GBF1: variants seen among roughly 807,000 people sequenced by gnomAD.
The protein encoded by GBF1 is golgi brefeldin A resistant guanine nucleotide exchange factor 1.
A neutral mutation model predicts 210.5 loss-of-function variants in GBF1; 114 were observed. The ratio of observed to expected loss-of-function variants is 0.54; its 90% confidence interval spans 0.47 to 0.63. The LOEUF (loss-of-function observed/expected upper bound fraction) is 0.63, where lower values mean the gene tolerates loss of function less well. Among genes scored for constraint, GBF1 ranks in the 30% least tolerant of loss-of-function variants. GBF1 has a pLI of 0.00. For missense variants in GBF1, 1,851 were observed against 2,357.7 expected (o/e 0.79, Z 4.45); for synonymous variants, 850 against 889.2 (o/e 0.96, Z 0.78).
intron 3 of GBF1, among the ~76,000 whole-genome samples, chr10:102,277,669 G>A (rs1299806318): frequency 2.6e-5 from 4 of 152,240 alleles, no homozygotes; most frequent in Non-Finnish European, 4.4e-5. Flanking sequence ...GTGAGCCACC[G>A]CACCCAGCCT....
intron 3 of GBF1, among the ~76,000 whole-genome samples, chr10:102,300,976 CT>C (rs11413620): frequency 6.8e-4 from 93 of 136,254 alleles, no homozygotes; most frequent in South Asian, 2.3e-3. Context: ...ATTTTCTTTT[CT>C]TTTTTTTTTT....
At chr10:102,232,985 G>A in the GBF1 span, among the ~76,000 whole-genome samples, 709 of 152,276 alleles carry the variant, frequency 4.7e-3, 9 homozygotes, top group African/African-American at 0.015. Flanking sequence ...TTTCTGCTGA[G>A]GAAACCGTAA....
chr10:102,344,027 T>A, intron 3 of GBF1, 24 bp from the exon 4 acceptor site: 1 of 1,605,942 alleles, frequency 6.2e-7, no homozygotes, highest in Non-Finnish European at 8.5e-7. Context: ...TGATACCTCT[T>A]CATTTCTGTG....
chr10:102,352,642 A>T, intron 7 of GBF1, 124 bp downstream of exon 7: 1 of 711,740 alleles, frequency 1.4e-6, no homozygotes, highest in Non-Finnish European at 2.6e-6. Context: ...GGGATTATGG[A>T]TGGGGGGTAG....
intron 1 of GBF1, among the ~76,000 whole-genome samples, chr10:102,257,868 T>G (rs1312923857): frequency 6.6e-6 from 1 of 152,166 alleles, no homozygotes; most frequent in Non-Finnish European, 1.5e-5. Flanking sequence ...GTGCTAGGAT[T>G]ATAGGCATGA....
chr10:102,283,992 G>A (rs528946250), intron 3 of GBF1, among the ~76,000 whole-genome samples: 1 of 152,276 alleles, frequency 6.6e-6, no homozygotes, highest in African/African-American at 2.4e-5. Flanking sequence ...AGACATAGAC[G>A]TCCACTGACA....
At position 102,246,258 on chromosome 10, in the gene GBF1, T is replaced by C. The variant is rs565380220; in HGVS notation, c.-11+477T>C. Among the ~76,000 whole-genome samples, 6 of 152,314 alleles carry C rather than the reference T, an allele frequency of 3.9e-5. No individual in the cohort carries two copies. The East Asian group carries it at 9.6e-4, about 24-fold the overall frequency. On this transcript the variant is annotated intron_variant, in intron 1 of 39. Transcript: ENST00000369983. Reference sequence around the variant, plus strand: ...AACTGCTTCATTAATAATGATGAACTAGTGCACCCTAGAATCAGGTTGTCA... The same window carrying C: ...AACTGCTTCATTAATAATGATGAACCAGTGCACCCTAGAATCAGGTTGTCA...
intron 6 of GBF1, 90 bp from the exon 7 acceptor site, chr10:102,352,368 C>T: frequency 1.1e-6 from 1 of 907,570 alleles, no homozygotes; most frequent in Non-Finnish European, 1.9e-6. Flanking sequence ...CCTTGGTAAA[C>T]AAGGTTTGGA....
intron 3 of GBF1, among the ~76,000 whole-genome samples, chr10:102,300,357 A>T (rs1158078427): frequency 1.3e-5 from 2 of 152,136 alleles, no homozygotes; most frequent in African/African-American, 4.8e-5. Context: ...TAGTCTCTGG[A>T]TTAGACAGTG....
At chr10:102,276,965 TACACACACAC>T (rs112061268) in intron 3 of GBF1, among the ~76,000 whole-genome samples, 4 of 148,648 alleles carry the variant, frequency 2.7e-5, no homozygotes, top group African/African-American at 9.9e-5. Context: ...TTTTGCTACT[TACACACACAC>T]ACACACACAC....
chr10:102,322,195 A>C (rs1416918639), intron 3 of GBF1, among the ~76,000 whole-genome samples: 1 of 152,230 alleles, frequency 6.6e-6, no homozygotes, highest in Non-Finnish European at 1.5e-5. Context: ...TATTCTGGCT[A>C]TCTTCATCTG....
At chr10:102,272,069 C>T (rs534540894) in intron 3 of GBF1, among the ~76,000 whole-genome samples, 1 of 151,992 alleles carries the variant, frequency 6.6e-6, no homozygotes, top group South Asian at 2.1e-4. Flanking sequence ...CATATTATAT[C>T]ACCACAGGAA....
At chr10:102,242,704 G>A (rs886329253), upstream of GBF1, among the ~76,000 whole-genome samples, 2 of 151,876 alleles carry the variant, frequency 1.3e-5, no homozygotes, top group Admixed American at 6.6e-5. Context: ...CGAGGCGGGC[G>A]GATCACAAGG....
chr10:102,365,497 A>G lies in GBF1; in HGVS notation c.2207A>G (p.Glu736Gly), dbSNP rs1168785180. Residue 736 changes from glutamate (E) to glycine (G), a missense_variant, in exon 18 of 40, where the codon GAG becomes GGG. By Grantham distance (98) the Glu-to-Gly change is moderately conservative (BLOSUM62 -2). This residue lies in a region of GBF1 where 804 missense variants were observed against 958.6 expected (regional missense o/e 0.84). Transcript: ENST00000369983. ...CTCACCATCCCAATGGACAACACAG[A>G]GGTTGCTCAGTGGCTCCGAGAGAAC... ...GLLTIPMDNT[E>G]VAQWLRENPR... 3 of 1,614,040 alleles carry G rather than the reference A, an allele frequency of 1.9e-6. No homozygotes were observed. The highest frequency in any genetic ancestry group is 2.2e-5 in the South Asian group (2 of 91,080).
rs1367298313 is a variant in GBF1 at position 102,380,643 on chromosome 10, C to G, written c.5130C>G (p.Leu1710=). 14 of 1,613,876 alleles carry G rather than the reference C, an allele frequency of 8.7e-6. No homozygotes were observed. The highest frequency in any genetic ancestry group is 1.6e-4 in the Middle Eastern group (1 of 6,062). The change falls in exon 38 of 40, where the codon CTC becomes CTG. Residue 1710 remains leucine (L), a synonymous_variant. Coordinates refer to ENST00000369983, the MANE Select transcript of GBF1 (RefSeq NM_001377137.1). ...EITWERIDCF[L]PHLRDELFKQ... ...CCTGGGAACGCATTGACTGTTTTCT[C>G]CCTCACCTACGAGATGAACTCTTCA...
intron 4 of GBF1, among the ~76,000 whole-genome samples, chr10:102,350,987 TA>T (rs1182121153): frequency 6.7e-6 from 1 of 150,306 alleles, no homozygotes; most frequent in Non-Finnish European, 1.5e-5. Context: ...CTCGGGAGGC[TA>T]AGGCAGGAAA....
chr10:102,283,971 A>T (rs2075730826), intron 3 of GBF1, among the ~76,000 whole-genome samples: 1 of 152,218 alleles, frequency 6.6e-6, no homozygotes, highest in Admixed American at 6.5e-5. Flanking sequence ...GTGAGCCTCC[A>T]GTGGGAATAC....
At chr10:102,329,794 A>G (rs1159633145) in intron 3 of GBF1, among the ~76,000 whole-genome samples, 2 of 151,360 alleles carry the variant, frequency 1.3e-5, no homozygotes, top group Non-Finnish European at 3.0e-5. Flanking sequence ...CAAGTCATGC[A>G]GTTAATATAT....
chr10:102,240,779 A>G (rs1024411346), upstream of GBF1, among the ~76,000 whole-genome samples: 5 of 152,236 alleles, frequency 3.3e-5, no homozygotes, highest in South Asian at 1.0e-3. Context: ...CACAGCGGCC[A>G]TCTGACTCAG....
Sources: gnomAD v4.1 joint callset for allele counts (sites outside exome capture counted in the v4.1 genomes callset) on GRCh38, gnomAD v4.1.1 for gene constraint, gnomAD v4.1.1 regional missense constraint, MANE v1.5 for transcripts, NCBI Gene and HGNC (gene_info 2026-07-23, HGNC 2026-07-21) for gene names.